BCL9: variants seen among roughly 807,000 people sequenced by gnomAD.
BCL9 encodes the protein BCL9 transcription coactivator.
BCL9 carries 25 observed loss-of-function variants against 88.5 expected under a neutral mutation model. The observed-to-expected ratio is 0.28, with a 90% CI of 0.21 to 0.39. The LOEUF (loss-of-function observed/expected upper bound fraction) is 0.39, where lower values mean the gene tolerates loss of function less well. BCL9 is among the 10% of genes least tolerant of loss of function. The pLI, the probability that BCL9 is intolerant of heterozygous loss-of-function variation, is 1.00. For missense variants in BCL9, 1,817 were observed against 1,877.8 expected (o/e 0.97, Z 0.60); for synonymous variants, 711 against 673.3 (o/e 1.06, Z -0.87).
intron 3 of BCL9, among the ~76,000 whole-genome samples, chr1:147,608,849 A>G (rs1657862768): frequency 6.6e-6 from 1 of 152,224 alleles, no homozygotes; most frequent in Admixed American, 6.5e-5. Flanking sequence ...CACTACAGTG[A>G]TGAAGAGCAT....
At chr1:147,564,062 C>T (rs1489737438) in intron 1 of BCL9, among the ~76,000 whole-genome samples, 1 of 152,146 alleles carries the variant, frequency 6.6e-6, no homozygotes, top group Non-Finnish European at 1.5e-5. Context: ...TCTTCACTTC[C>T]TTCGAACGTG....
intron 1 of BCL9, among the ~76,000 whole-genome samples, chr1:147,594,740 T>C (rs1386922717): frequency 2.0e-5 from 3 of 152,088 alleles, no homozygotes; most frequent in Non-Finnish European, 2.9e-5. Context: ...TAAAAAGAGA[T>C]TCAGGGAGGA....
intron 1 of BCL9, among the ~76,000 whole-genome samples, chr1:147,574,020 C>G (rs1247236144): frequency 2.0e-5 from 3 of 152,160 alleles, no homozygotes; most frequent in African/African-American, 7.2e-5. Context: ...CAAGTACTAT[C>G]CTGCATTATA....
At chr1:147,587,985 T>C (rs1439812939) in intron 1 of BCL9, among the ~76,000 whole-genome samples, 1 of 152,182 alleles carries the variant, frequency 6.6e-6, no homozygotes, top group African/African-American at 2.4e-5. Flanking sequence ...ATTAAAAACG[T>C]CAAGTTTGTG....
chr1:147,622,157 T>C (rs782658077), intron 8 of BCL9, 114 bp from the exon 9 acceptor site: 11 of 1,387,304 alleles, frequency 7.9e-6, no homozygotes, highest in Non-Finnish European at 9.9e-6. Context: ...CTAATAACAC[T>C]GTCCTGTTCA....
chr1:147,574,639 C>T (rs369019432), intron 1 of BCL9, among the ~76,000 whole-genome samples: 13 of 152,218 alleles, frequency 8.5e-5, no homozygotes, highest in African/African-American at 3.1e-4. Flanking sequence ...GAGTAATATC[C>T]GAGCAGGAAG....
intron 1 of BCL9, among the ~76,000 whole-genome samples, chr1:147,587,366 G>C (rs1037483262): frequency 2.0e-5 from 3 of 152,204 alleles, no homozygotes; most frequent in Non-Finnish European, 2.9e-5. Flanking sequence ...ATGCACGCAT[G>C]AATGAATCTC....
rs1553205118 is a variant in BCL9, at chr1:147,620,631, A to G, written c.2476A>G (p.Ser826Gly). Residue 826 changes from serine (S) to glycine (G), a missense_variant, in exon 8 of 10, where the codon AGT becomes GGT. Coordinates refer to ENST00000234739, the MANE Select transcript of BCL9 (RefSeq NM_004326.4). ...HMPPLPLNPS[S>G]NPTSLNTAPP... ...GCCACCACTACCTCTCAACCCTTCC[A>G]GTAACCCCACCAGCCTCAACACAGC... is the stretch of plus-strand genomic sequence containing the variant. 2.5e-6 allele frequency: 4 copies of G among 1,614,018 alleles called. No homozygotes were observed. The highest frequency in any genetic ancestry group is 1.6e-4 in the Middle Eastern group (1 of 6,084).
intron 1 of BCL9, among the ~76,000 whole-genome samples, chr1:147,555,032 G>T (rs1403754129): frequency 6.6e-6 from 1 of 152,008 alleles, no homozygotes; most frequent in Non-Finnish European, 1.5e-5. Context: ...CTCCTGAAAA[G>T]CCTTAAAATA....
intron 1 of BCL9, among the ~76,000 whole-genome samples, chr1:147,544,939 G>A (rs1654487381): frequency 6.6e-6 from 1 of 152,068 alleles, no homozygotes; most frequent in Admixed American, 6.6e-5. Flanking sequence ...TTGTGTTAAT[G>A]TTGGCATCAC....
intron 1 of BCL9, among the ~76,000 whole-genome samples, chr1:147,583,466 C>T (rs1011829361): frequency 2.0e-5 from 3 of 151,038 alleles, no homozygotes; most frequent in Non-Finnish European, 2.9e-5. Flanking sequence ...TTAGTAGAGA[C>T]GGGGTTTCAC....
Position 147,565,089 on chromosome 1 carries a change from AT to A in BCL9, c.-478+23422del, listed in dbSNP as rs587697912. Among the ~76,000 whole-genome samples the A allele has an allele frequency of 8.5e-5, 13 of 152,084 alleles. No homozygotes were observed. The East Asian group carries it at 2.1e-3, about 25-fold the overall frequency. ...ACTGTTGTTGATTCTCTTGAATTCC[AT>A]TTTTTTAATGCTTTCTCTCCCAACT... is the stretch of plus-strand genomic sequence containing the variant. On this transcript the variant is annotated intron_variant, in intron 1 of 9. Coordinates refer to ENST00000234739, the MANE Select transcript of BCL9 (RefSeq NM_004326.4).
Position 147,613,185 on chromosome 1 carries a change from A to T in BCL9, c.356A>T (p.Asp119Val). The T allele has an allele frequency of 6.2e-7, 1 of 1,614,088 alleles. No individual in the cohort carries two copies. Among genetic ancestry groups the T allele is most frequent in the Non-Finnish European group, 8.5e-7 (1 of 1,180,016 alleles). Residue 119 changes from aspartate to valine, a missense_variant, in exon 5 of 10, where the codon GAC becomes GTC. By Grantham distance (152) the Asp-to-Val change is radical. Transcript: ENST00000234739. ...DQRDPGTPNDDSDIKECNSAD... is the reference protein window; with the variant it reads ...DQRDPGTPNDVSDIKECNSAD... ...AGAGATCCTGGGACTCCAAACGATG[A>T]CTCTGACATTAAAGGTATGTCTATA...
intron 1 of BCL9, among the ~76,000 whole-genome samples, chr1:147,587,548 T>C (rs1174009855): frequency 2.6e-5 from 4 of 152,218 alleles, no homozygotes; most frequent in African/African-American, 9.7e-5. Context: ...TCTGGCTCCT[T>C]AACCATGGCA....
chr1:147,602,414 G>A (rs1275484577), intron 1 of BCL9, among the ~76,000 whole-genome samples: 2 of 152,022 alleles, frequency 1.3e-5, no homozygotes, highest in Non-Finnish European at 2.9e-5. Flanking sequence ...GTTTCACCAT[G>A]TTGGCCAGGC....
In BCL9 at chr1:147,619,985, C is replaced by T. The variant is rs1553204848; in HGVS notation, c.1830C>T (p.Gly610=). Residue 610 remains glycine (G), a synonymous_variant, in exon 8 of 10, where the codon GGC becomes GGT. Coordinates refer to ENST00000234739, the MANE Select transcript of BCL9 (RefSeq NM_004326.4). This position sits in a 1 kb window ranked among gnomAD's most constrained non-coding sequence, Gnocchi z 4.1. ...GTCGAAATTTTCCTCCTGGCCAGGG[C>T]ATTTTCAGCGGTCCTGGCCGAGGGG... ...PDGRNFPPGQ[G]IFSGPGRGER... is the part of the protein sequence containing the mutation. The T allele has an allele frequency of 3.1e-6, 5 of 1,614,060 alleles. No individual in the cohort carries two copies. The highest frequency in any genetic ancestry group is 4.2e-6 in the Non-Finnish European group (5 of 1,179,890).
intron 1 of BCL9, among the ~76,000 whole-genome samples, chr1:147,562,552 T>C (rs1655427434): frequency 6.6e-6 from 1 of 152,106 alleles, no homozygotes; most frequent in South Asian, 2.1e-4. Flanking sequence ...GAAGTAATTC[T>C]AGGGAGAAAT....
intron 1 of BCL9, among the ~76,000 whole-genome samples, chr1:147,552,121 G>A (rs1049621729): frequency 1.3e-5 from 2 of 152,096 alleles, no homozygotes; most frequent in Non-Finnish European, 2.9e-5. Flanking sequence ...TGGTAGTCAC[G>A]GGAGAGAACA....
intron 1 of BCL9, among the ~76,000 whole-genome samples, chr1:147,593,130 C>A (rs974076711): frequency 1.3e-5 from 2 of 152,214 alleles, no homozygotes; most frequent in African/African-American, 4.8e-5. Context: ...GTGCAGGGCA[C>A]TGCACGAGGT....
Sources: gnomAD v4.1 joint callset for allele counts (sites outside exome capture counted in the v4.1 genomes callset) on GRCh38, gnomAD v4.1.1 for gene constraint, Gnocchi (gnomAD v3.1) non-coding constraint, MANE v1.5 for transcripts, NCBI Gene and HGNC (gene_info 2026-07-23, HGNC 2026-07-21) for gene names.